The following BNC2 variants were observed in gnomAD, a reference collection of about 807,000 sequenced individuals.
BNC2 encodes basonuclin zinc finger protein 2, also known as zinc finger protein basonuclin-2.
A neutral mutation model predicts 76.3 loss-of-function variants in BNC2; 20 were observed. The ratio of observed to expected loss-of-function variants is 0.26; its 90% CI spans 0.18 to 0.38. The LOEUF is 0.38. Among genes scored for constraint, BNC2 ranks in the 10% least tolerant of loss-of-function variants. The pLI, the probability that BNC2 is intolerant of heterozygous loss-of-function variation, is 1.00. For missense variants in BNC2, 1,382 were observed against 1,399.8 expected (o/e 0.99, Z 0.20); for synonymous variants, 582 against 514.8 (o/e 1.13, Z -1.77).
At chr9:16,430,496 T>C (rs139437653) in intron 6 of BNC2, among the ~76,000 whole-genome samples, 1,646 of 152,344 alleles carry the variant, frequency 0.011, 28 homozygotes, top group African/African-American at 0.037. Context: ...GAAAAAGTTC[T>C]GTATAAGTTT....
At chr9:16,679,768 C>T (rs1822767629) in intron 3 of BNC2, among the ~76,000 whole-genome samples, 1 of 152,232 alleles carries the variant, frequency 6.6e-6, no homozygotes, top group Non-Finnish European at 1.5e-5. Context: ...CCAGCAAATG[C>T]ATTAGCAAGG....
intron 3 of BNC2, among the ~76,000 whole-genome samples, chr9:16,692,286 T>G (rs1486389457): frequency 6.6e-6 from 1 of 152,178 alleles, no homozygotes; most frequent in East Asian, 1.9e-4. Flanking sequence ...ACACCCAGGT[T>G]AACTTACTTT....
chr9:16,624,277 C>G (rs565479526), intron 3 of BNC2, among the ~76,000 whole-genome samples: 3 of 152,120 alleles, frequency 2.0e-5, no homozygotes, highest in Non-Finnish European at 1.5e-5. Flanking sequence ...CCGAAAACCA[C>G]CTTCACGTGG....
intron 4 of BNC2, among the ~76,000 whole-genome samples, chr9:16,560,549 A>G (rs1818979577): frequency 6.6e-6 from 1 of 151,886 alleles, no homozygotes; most frequent in Admixed American, 6.6e-5. Flanking sequence ...ATGTCCACAA[A>G]AAAAAAATAA....
chr9:16,507,137 C>G (rs911227285), intron 5 of BNC2, among the ~76,000 whole-genome samples: 12 of 151,674 alleles, frequency 7.9e-5, no homozygotes, highest in African/African-American at 2.9e-4. Flanking sequence ...CACTTTATAT[C>G]TAGACATCTC....
At position 16,736,160 on chromosome 9, in the gene BNC2, G is replaced by T. The variant is rs1012799112; in HGVS notation, c.129+2200C>A. Among the ~76,000 whole-genome samples, 3 of 151,664 alleles carry T rather than the reference G, an allele frequency of 2.0e-5. No individual in the cohort carries two copies. In the South Asian group the frequency reaches 6.2e-4, roughly 32 times the overall value. Reference sequence around the variant, plus strand: ...GAGGCAGGAGAATCACTTGAACCTGGGAGGCAGAGGTTGCAGTGACCCAAG... The same window carrying T: ...GAGGCAGGAGAATCACTTGAACCTGTGAGGCAGAGGTTGCAGTGACCCAAG... On this transcript the variant is annotated intron_variant, in intron 2 of 6. Coordinates refer to ENST00000380672, the MANE Select transcript of BNC2 (RefSeq NM_017637.6).
At chr9:16,497,163 A>G (rs1822407973) in intron 5 of BNC2, among the ~76,000 whole-genome samples, 1 of 152,234 alleles carries the variant, frequency 6.6e-6, no homozygotes, top group Non-Finnish European at 1.5e-5. Flanking sequence ...TGGAGCTCTA[A>G]TATCAGAAAG....
chr9:16,775,468 C>T (rs1306949961), intron 1 of BNC2: 1 of 151,542 alleles, frequency 6.6e-6, no homozygotes, highest in Non-Finnish European at 1.5e-5. Flanking sequence ...AATGATTTTT[C>T]AGAAACACTA....
intron 2 of BNC2, among the ~76,000 whole-genome samples, chr9:16,737,282 G>A (rs34259118): frequency 0.45 from 55,103 of 121,768 alleles, 15,746 homozygotes; most frequent in Non-Finnish European, 0.64. Context: ...AGACAGTCTC[G>A]CTCTGTTGCC....
rs1390466271 is a variant in BNC2, at chr9:16,415,558, A to G, written c.*3431T>C. ...CAACAAAAAACTCCTATGAAAAAGC[A>G]AATGAGTAGGAATGGGCAAAGATGA... On this transcript the variant is annotated 3_prime_UTR_variant, in exon 7 of 7. Transcript: ENST00000380672. 6.6e-6 allele frequency: 1 copy of G among 152,366 alleles called. No individual in the cohort carries two copies. The highest frequency in any genetic ancestry group is 1.5e-5 in the Non-Finnish European group (1 of 68,046). 9.4% of individuals were successfully genotyped at this position (152,366 alleles called of 1,614,324 possible).
intron 3 of BNC2, among the ~76,000 whole-genome samples, chr9:16,686,196 T>C (rs1418893987): frequency 6.6e-6 from 1 of 152,192 alleles, no homozygotes; most frequent in Non-Finnish European, 1.5e-5. Flanking sequence ...TTTAAACATG[T>C]TATCTTTAAG....
At chr9:16,575,279 C>T (rs1369689425) in intron 4 of BNC2, 4 of 985,282 alleles carry the variant, frequency 4.1e-6, no homozygotes, top group Non-Finnish European at 2.4e-6. Flanking sequence ...TCACCCGAAG[C>T]GGGATACAGC....
intron 3 of BNC2, among the ~76,000 whole-genome samples, chr9:16,675,116 AACT>A (rs1822600066): frequency 6.6e-6 from 1 of 152,174 alleles, no homozygotes; most frequent in African/African-American, 2.4e-5. Context: ...CTGCCAAGAC[AACT>A]ACTACAATGC....
At chr9:16,505,724 T>C (rs1822609940) in intron 5 of BNC2, among the ~76,000 whole-genome samples, 1 of 152,114 alleles carries the variant, frequency 6.6e-6, no homozygotes, top group South Asian at 2.1e-4. Flanking sequence ...TCATATATAG[T>C]TCCCTCTCCT....
At chr9:16,764,687 T>TAGCTC (rs1813519758) in intron 1 of BNC2, among the ~76,000 whole-genome samples, 1 of 151,900 alleles carries the variant, frequency 6.6e-6, no homozygotes, top group Non-Finnish European at 1.5e-5. Flanking sequence ...ACCCATGTAC[T>TAGCTC]AGCTCATTAA....
chr9:16,529,068 A>G (rs1333854264), intron 5 of BNC2, among the ~76,000 whole-genome samples: 2 of 152,140 alleles, frequency 1.3e-5, no homozygotes, highest in Non-Finnish European at 2.9e-5. Context: ...CCTCCTTTGC[A>G]TATGTCTTCT....
intron 5 of BNC2, among the ~76,000 whole-genome samples, chr9:16,503,092 C>T (rs760097443): frequency 3.1e-4 from 47 of 152,002 alleles, no homozygotes; most frequent in African/African-American, 1.1e-3. Flanking sequence ...AGAGAAATTG[C>T]GCACAGTTTG....
At chr9:16,720,085 C>T (rs1824104908) in intron 3 of BNC2, among the ~76,000 whole-genome samples, 2 of 152,280 alleles carry the variant, frequency 1.3e-5, no homozygotes, top group South Asian at 4.2e-4. Flanking sequence ...TAAGCCAGGG[C>T]CCCTGGTTAC....
At chr9:16,617,987 G>T (rs1238144374) in intron 3 of BNC2, among the ~76,000 whole-genome samples, 1 of 152,194 alleles carries the variant, frequency 6.6e-6, no homozygotes, top group Non-Finnish European at 1.5e-5. Flanking sequence ...CCCAGCAATG[G>T]CAGTAAAGCC....
Sources: allele counts gnomAD v4.1 joint callset (sites outside exome capture counted in the v4.1 genomes callset), GRCh38; gene constraint gnomAD v4.1.1; transcripts MANE v1.5; gene names NCBI Gene and HGNC (gene_info 2026-07-23, HGNC 2026-07-21).